The following ITPRID1 variants were observed in gnomAD, a reference collection of about 807,000 sequenced individuals.
ITPRID1 encodes the protein ITPR interacting domain containing 1.
A neutral mutation model predicts 95.4 loss-of-function variants in ITPRID1; 96 were observed. That is an observed-to-expected ratio of 1.01 (90% confidence interval 0.85 to 1.19). The LOEUF is 1.19. ITPRID1 is among the 50% of genes most tolerant of loss of function. The probability of loss-of-function intolerance (pLI) is 0.00; values close to 1 mark genes in which losing one functional copy is unlikely to be tolerated. For synonymous variants in ITPRID1, 510 were observed against 453.6 expected, an observed-to-expected ratio of 1.12 and a Z score of -1.58; for missense variants, 1,339 against 1,252.9, an observed-to-expected ratio of 1.07 and a Z score of -1.04.
At chr7:31,608,663 A>C (rs1215150704) in intron 10 of ITPRID1, among the ~76,000 whole-genome samples, 1 of 151,696 alleles carries the variant, frequency 6.6e-6, no homozygotes, top group Non-Finnish European at 1.5e-5. Flanking sequence ...TGGGCTGCTT[A>C]TTGCTAGTAT....
At chr7:31,645,185 G>T (rs1240271955) in intron 12 of ITPRID1, among the ~76,000 whole-genome samples, 1 of 152,140 alleles carries the variant, frequency 6.6e-6, no homozygotes, top group Non-Finnish European at 1.5e-5. Context: ...AAGCAAAGAA[G>T]TGTCCGACTT....
intron 10 of ITPRID1, among the ~76,000 whole-genome samples, chr7:31,586,430 G>A (rs1785610682): frequency 6.6e-6 from 1 of 151,886 alleles, no homozygotes; most frequent in Non-Finnish European, 1.5e-5. Context: ...CTTCCACAAT[G>A]GTTGAACTAG....
At chr7:31,546,091 A>C (rs534098956) in intron 1 of ITPRID1, among the ~76,000 whole-genome samples, 1 of 152,166 alleles carries the variant, frequency 6.6e-6, no homozygotes, top group Non-Finnish European at 1.5e-5. Context: ...TAATAAACTT[A>C]TGGAATTATC....
In ITPRID1 at chr7:31,577,852, GT is replaced by G. The variant is rs1554287242; in HGVS notation, c.599-10del. On this transcript the variant is annotated splice_polypyrimidine_tract_variant and intron_variant, in intron 8 of 14. Coordinates refer to ENST00000615280, the MANE Select transcript of ITPRID1 (RefSeq NM_001257967.3). ...CCAATCTGAAACTTTCGTGTTTCTT[GT>G]GTTGTGCAGGTCGTTTCCGACAGCT... The G allele has an allele frequency of 6.4e-7, 1 of 1,563,250 alleles. No individual in the cohort carries two copies. The highest frequency in any genetic ancestry group is 1.4e-5 in the African/African-American group (1 of 73,042).
chr7:31,595,680 A>T, intron 10 of ITPRID1, among the ~76,000 whole-genome samples: 1 of 152,142 alleles, frequency 6.6e-6, no homozygotes, highest in East Asian at 1.9e-4. Flanking sequence ...AATTAACATA[A>T]ATTAGGTATT....
At chr7:31,639,538 GTT>G (rs796733772) in intron 10 of ITPRID1, among the ~76,000 whole-genome samples, 11 of 142,524 alleles carry the variant, frequency 7.7e-5, no homozygotes, top group African/African-American at 1.0e-4. Context: ...GTTTGTTTTT[GTT>G]TTTTTTTTTT....
intron 5 of ITPRID1, among the ~76,000 whole-genome samples, chr7:31,564,700 T>C (rs1784737502): frequency 6.6e-6 from 1 of 152,092 alleles, no homozygotes; most frequent in Admixed American, 6.6e-5. Flanking sequence ...GGCGTGAGCT[T>C]CCTGCTCTGA....
chr7:31,580,637 G>C (rs1436241979), intron 9 of ITPRID1, among the ~76,000 whole-genome samples: 1 of 151,232 alleles, frequency 6.6e-6, no homozygotes, highest in Non-Finnish European at 1.5e-5. Context: ...TATTTGGGGA[G>C]AGAGTAGAAA....
intron 1 of ITPRID1, among the ~76,000 whole-genome samples, chr7:31,537,883 A>T (rs913038818): frequency 1.3e-5 from 2 of 152,182 alleles, no homozygotes; most frequent in Non-Finnish European, 2.9e-5. Context: ...ATCATAGTAT[A>T]CATATTTTTC....
chr7:31,644,382 C>T (rs1790289029), intron 12 of ITPRID1, among the ~76,000 whole-genome samples: 1 of 152,198 alleles, frequency 6.6e-6, no homozygotes, highest in Non-Finnish European at 1.5e-5. Flanking sequence ...TGCACTGACA[C>T]AGGATTGTTT....
At chr7:31,547,599 T>C (rs539449618) in intron 1 of ITPRID1, among the ~76,000 whole-genome samples, 98 of 152,196 alleles carry the variant, frequency 6.4e-4, no homozygotes, top group African/African-American at 2.1e-3. Flanking sequence ...GGAACTACAA[T>C]TGAAGATGAG....
chr7:31,625,819 C>CTT (rs34385465), intron 10 of ITPRID1, among the ~76,000 whole-genome samples: 6 of 149,788 alleles, frequency 4.0e-5, no homozygotes, highest in Admixed American at 6.6e-5. Context: ...CTTAGAATGT[C>CTT]TTTTTTTTTA....
intron 10 of ITPRID1, among the ~76,000 whole-genome samples, chr7:31,611,405 A>G (rs989411840): frequency 6.6e-6 from 1 of 151,752 alleles, no homozygotes; most frequent in African/African-American, 2.4e-5. Flanking sequence ...ATATTTACCT[A>G]TGTAGTTATT....
At chr7:31,624,757 C>A (rs1374106645) in intron 10 of ITPRID1, among the ~76,000 whole-genome samples, 2 of 151,742 alleles carry the variant, frequency 1.3e-5, no homozygotes, top group East Asian at 1.9e-4. Flanking sequence ...GCAACAAAAG[C>A]CAAAAGTGAC....
At chr7:31,544,885 C>T (rs1784047916) in intron 1 of ITPRID1, among the ~76,000 whole-genome samples, 1 of 152,048 alleles carries the variant, frequency 6.6e-6, no homozygotes, top group African/African-American at 2.4e-5. Flanking sequence ...AGAACAGAGT[C>T]CAGAGTTAGA....
chr7:31,626,682 A>G (rs917738934), intron 10 of ITPRID1, among the ~76,000 whole-genome samples: 1 of 152,160 alleles, frequency 6.6e-6, no homozygotes, highest in Non-Finnish European at 1.5e-5. Context: ...CTGGATCCCT[A>G]AAGGGACTTA....
intron 10 of ITPRID1, among the ~76,000 whole-genome samples, chr7:31,629,088 G>T (rs1047710398): frequency 1.9e-4 from 29 of 152,126 alleles, no homozygotes; most frequent in African/African-American, 5.6e-4. Flanking sequence ...TGTTCACTTA[G>T]CCCTGGAAAC....
At chr7:31,520,848 A>G (rs1425664613) in intron 1 of ITPRID1, among the ~76,000 whole-genome samples, 1 of 151,986 alleles carries the variant, frequency 6.6e-6, no homozygotes, top group Non-Finnish European at 1.5e-5. Context: ...AACATGAGTT[A>G]ATACTGATGT....
intron 1 of ITPRID1, among the ~76,000 whole-genome samples, chr7:31,518,659 T>C (rs1783124004): frequency 6.6e-6 from 1 of 152,264 alleles, no homozygotes; most frequent in Non-Finnish European, 1.5e-5. Flanking sequence ...ATACTCACTT[T>C]ATCGCACGGG....
Sources: allele counts gnomAD v4.1 joint callset (sites outside exome capture counted in the v4.1 genomes callset), GRCh38; gene constraint gnomAD v4.1.1; transcripts MANE v1.5; gene names NCBI Gene and HGNC (gene_info 2026-07-23, HGNC 2026-07-21).